Variants in RAD51B observed in about 807,000 individuals in gnomAD.
RAD51B encodes RAD51 paralog B, also known as DNA repair protein RAD51 homolog 2.
RAD51B carries 38 observed loss-of-function variants against 42.2 expected under a neutral mutation model. The observed-to-expected ratio is 0.90, with a 90% CI of 0.70 to 1.18. RAD51B has a LOEUF of 1.18. Among genes scored for constraint, RAD51B ranks in the 50% most tolerant of loss-of-function variants. The pLI is 0.00. For missense variants in RAD51B, 373 were observed against 400.7 expected (o/e 0.93, Z 0.59); for synonymous variants, 154 against 145.2 (o/e 1.06, Z -0.43).
chr14:68,676,709 G>A (rs1246875038), intron 11 of RAD51B, among the ~76,000 whole-genome samples: 1 of 152,262 alleles, frequency 6.6e-6, no homozygotes, highest in Admixed American at 6.5e-5. Context: ...GAGGAATCCA[G>A]CCAGGGAAGG....
intron 8 of RAD51B, 92 bp downstream of exon 8, chr14:68,292,072 T>C: frequency 8.3e-7 from 1 of 1,207,008 alleles, no homozygotes; most frequent in Admixed American, 1.8e-5. Context: ...GAGATATGGC[T>C]AATAGGCCCT....
chr14:68,012,560 C>T (rs1485033336), intron 7 of RAD51B, among the ~76,000 whole-genome samples: 1 of 151,990 alleles, frequency 6.6e-6, no homozygotes, highest in Non-Finnish European at 1.5e-5. Flanking sequence ...AGTTTACTAC[C>T]AGCATTCAAA....
intron 7 of RAD51B, among the ~76,000 whole-genome samples, chr14:68,063,423 TG>T (rs1407742928): frequency 6.6e-6 from 1 of 152,094 alleles, no homozygotes; most frequent in African/African-American, 2.4e-5. Flanking sequence ...AGTGAATTTT[TG>T]GGAGATCTGG....
chr14:68,099,060 A>G (rs909314106), intron 7 of RAD51B, among the ~76,000 whole-genome samples: 1 of 152,186 alleles, frequency 6.6e-6, no homozygotes, highest in African/African-American at 2.4e-5. Flanking sequence ...ATATTATGTC[A>G]TAGTTCAAAA....
intron 7 of RAD51B, among the ~76,000 whole-genome samples, chr14:68,010,448 A>G (rs2075665585): frequency 6.6e-6 from 1 of 151,792 alleles, no homozygotes; most frequent in Non-Finnish European, 1.5e-5. Flanking sequence ...AGAAAAACTG[A>G]TAGTTGTTTG....
chr14:68,317,543 G>A lies in RAD51B; in HGVS notation c.853+25563G>A, dbSNP rs535171547. ...AATGACATGGTTAATAAGCTCACTA[G>A]TCCTGCTGACACTGAGTCCCTACCC... On this transcript the variant is annotated intron_variant, in intron 8 of 10. Transcript: ENST00000471583. Among the ~76,000 whole-genome samples the A allele has an allele frequency of 1.4e-4, 21 of 145,426 alleles. No homozygotes were observed. The South Asian group carries it at 2.9e-3, about 20-fold the overall frequency.
chr14:68,176,347 A>G (rs1423358404), intron 7 of RAD51B, among the ~76,000 whole-genome samples: 1 of 152,202 alleles, frequency 6.6e-6, no homozygotes. Context: ...CCCAGGTCCA[A>G]CTAATTCCAA....
At chr14:68,641,620 G>A (rs1387095886) in intron 10 of RAD51B, among the ~76,000 whole-genome samples, 1 of 151,396 alleles carries the variant, frequency 6.6e-6, no homozygotes. Context: ...AAATTCCCCT[G>A]TATTTCTAGT....
intron 7 of RAD51B, among the ~76,000 whole-genome samples, chr14:68,065,615 G>C (rs2140452454): frequency 6.6e-6 from 1 of 152,220 alleles, no homozygotes; most frequent in South Asian, 2.1e-4. Flanking sequence ...GAGCTAGCTG[G>C]CTGGTGGTTC....
chr14:68,474,093 C>T (rs1022962818), intron 10 of RAD51B, among the ~76,000 whole-genome samples: 12 of 152,174 alleles, frequency 7.9e-5, no homozygotes, highest in South Asian at 4.1e-4. Context: ...TGTGAATGTA[C>T]CACATGCTAC....
At chr14:68,033,075 C>T (rs554983950) in intron 7 of RAD51B, among the ~76,000 whole-genome samples, 3 of 152,278 alleles carry the variant, frequency 2.0e-5, no homozygotes, top group Non-Finnish European at 4.4e-5. Flanking sequence ...GTGCTCATGA[C>T]ATTTTACAGT....
At chr14:68,188,245 C>CT (rs889224419) in intron 7 of RAD51B, among the ~76,000 whole-genome samples, 77 of 146,722 alleles carry the variant, frequency 5.2e-4, no homozygotes, top group Middle Eastern at 3.5e-3. Flanking sequence ...ATAGTGATTT[C>CT]TTTTTTTTTT....
At chr14:68,031,746 C>T (rs543269501) in intron 7 of RAD51B, among the ~76,000 whole-genome samples, 4 of 152,276 alleles carry the variant, frequency 2.6e-5, no homozygotes, top group African/African-American at 9.6e-5. Flanking sequence ...TCTTACATGT[C>T]ATTTCTATCT....
rs2085327982 is a variant in RAD51B, at chr14:68,442,641, A to G, written c.958-25531A>G. Among the ~76,000 whole-genome samples the G allele has an allele frequency of 2.0e-5, 3 of 151,598 alleles. No homozygotes were observed. The South Asian group carries it at 6.2e-4, about 32-fold the overall frequency. ...TTTTTAGTAGACATGGGGTTTCACCATGTTGGCCAGCATGGTCTCAATCTC... is the reference window on the plus strand; with the variant it reads ...TTTTTAGTAGACATGGGGTTTCACCGTGTTGGCCAGCATGGTCTCAATCTC... On this transcript the variant is annotated intron_variant, in intron 9 of 10. Transcript: ENST00000471583.
At chr14:68,576,774 G>T (rs577299343) in intron 10 of RAD51B, among the ~76,000 whole-genome samples, 1 of 152,130 alleles carries the variant, frequency 6.6e-6, no homozygotes. Flanking sequence ...AGTAAGGAAG[G>T]GGTCAGAGGT....
chr14:68,219,658 A>G (rs537215524), intron 7 of RAD51B, among the ~76,000 whole-genome samples: 7 of 152,192 alleles, frequency 4.6e-5, no homozygotes, highest in African/African-American at 1.7e-4. Context: ...CTAAGGGAGC[A>G]CCCCGTGTCC....
chr14:68,402,218 A>G (rs574704363), intron 8 of RAD51B, among the ~76,000 whole-genome samples: 19 of 152,352 alleles, frequency 1.2e-4, no homozygotes, highest in African/African-American at 4.6e-4. Context: ...TATTCTAAAA[A>G]TAACCTATTA....
chr14:68,397,767 C>G (rs1162189396), intron 8 of RAD51B, among the ~76,000 whole-genome samples: 5 of 152,188 alleles, frequency 3.3e-5, no homozygotes, highest in Non-Finnish European at 7.3e-5. Flanking sequence ...AGGAAGCACA[C>G]TGCATTGAAG....
intron 10 of RAD51B, among the ~76,000 whole-genome samples, chr14:68,473,821 T>C (rs1339027795): frequency 6.6e-6 from 1 of 152,176 alleles, no homozygotes; most frequent in Admixed American, 6.5e-5. Context: ...GTGGAAACTC[T>C]CCAGAGTTTG....
Sources: gnomAD v4.1 joint callset for allele counts (sites outside exome capture counted in the v4.1 genomes callset) on GRCh38, gnomAD v4.1.1 for gene constraint, MANE v1.5 for transcripts, NCBI Gene and HGNC (gene_info 2026-07-23, HGNC 2026-07-21) for gene names.